Variants in ANO2 observed in about 807,000 individuals in gnomAD.
ANO2 encodes the protein anoctamin-2.
A neutral mutation model predicts 124.2 loss-of-function variants in ANO2; 101 were observed. The ratio of observed to expected loss-of-function variants is 0.81; its 90% confidence interval spans 0.69 to 0.96. The LOEUF (loss-of-function observed/expected upper bound fraction) is 0.96, where lower values mean the gene tolerates loss of function less well. Among genes scored for constraint, ANO2 ranks in the 40% least tolerant of loss-of-function variants. The probability of loss-of-function intolerance (pLI) is 0.00; values close to 1 mark genes in which losing one functional copy is unlikely to be tolerated. For synonymous variants in ANO2, 486 were observed against 482.5 expected, an observed-to-expected ratio of 1.01 and a Z score of -0.09; for missense variants, 1,293 against 1,274.5, an observed-to-expected ratio of 1.01 and a Z score of -0.22.
At chr12:5,724,579 G>T (rs1478731819) in intron 14 of ANO2, among the ~76,000 whole-genome samples, 1 of 152,172 alleles carries the variant, frequency 6.6e-6, no homozygotes. Flanking sequence ...TTTATTCCAC[G>T]TGTTTGTTTA....
intron 16 of ANO2, among the ~76,000 whole-genome samples, chr12:5,633,740 C>T (rs1176339751): frequency 6.6e-6 from 1 of 152,210 alleles, no homozygotes; most frequent in Non-Finnish European, 1.5e-5. Context: ...CTGAGCTCAG[C>T]TCCTGTTCCA....
rs78897473 is a variant in ANO2 at position 5,732,562 on chromosome 12, A to C, written c.1503T>G (p.Ala501=). ...TCGTGTTTGTTTCCAATTTCTGGAC[A>C]GCAGACTGGTTGCTCTCCTTTAGCA... is the stretch of plus-strand genomic sequence containing the variant. ...EKMLKESNQS[A]VQKLETNTTE... Residue 501 remains alanine, a synonymous_variant, in exon 14 of 25, where the codon GCT becomes GCG. Coordinates refer to ENST00000682330, the MANE Select transcript of ANO2 (RefSeq NM_001364791.2). 5.9e-4 allele frequency: 952 copies of C among 1,613,968 alleles called. No individual in the cohort carries two copies. Among genetic ancestry groups the C allele is most frequent in the Non-Finnish European group, 7.8e-4 (915 of 1,179,862 alleles).
chr12:5,822,626 T>C (rs1277619141), intron 7 of ANO2, among the ~76,000 whole-genome samples: 1 of 152,120 alleles, frequency 6.6e-6, no homozygotes, highest in Non-Finnish European at 1.5e-5. Flanking sequence ...CTGGGGGTGA[T>C]CAACCAGCTA....
chr12:5,713,619 C>T (rs1253694214), intron 14 of ANO2, among the ~76,000 whole-genome samples: 2 of 152,126 alleles, frequency 1.3e-5, no homozygotes, highest in Non-Finnish European at 2.9e-5. Context: ...AGTTTATAGA[C>T]CTTCCTGGAA....
At chr12:5,843,264 C>T (rs1954579254) in intron 4 of ANO2, among the ~76,000 whole-genome samples, 1 of 152,180 alleles carries the variant, frequency 6.6e-6, no homozygotes, top group Non-Finnish European at 1.5e-5. Flanking sequence ...CTTAATAAAA[C>T]TCAGGCCAGG....
intron 20 of ANO2, among the ~76,000 whole-genome samples, chr12:5,585,034 A>G (rs1436969585): frequency 6.6e-6 from 1 of 152,102 alleles, no homozygotes; most frequent in Admixed American, 6.5e-5. Context: ...ACAATCCTTG[A>G]CAGCCTCACG....
chr12:5,849,490 C>G (rs546652505), intron 4 of ANO2, among the ~76,000 whole-genome samples: 2 of 152,362 alleles, frequency 1.3e-5, no homozygotes, highest in African/African-American at 4.8e-5. Context: ...CATTTCAAAC[C>G]TTCTCAGGCT....
At chr12:5,914,661 T>G (rs1249977568) in intron 3 of ANO2, among the ~76,000 whole-genome samples, 1 of 152,166 alleles carries the variant, frequency 6.6e-6, no homozygotes, top group African/African-American at 2.4e-5. Context: ...CAGCCCCTAG[T>G]AAGGGGGCAC....
chr12:5,727,598 T>A (rs1400828748), intron 14 of ANO2, among the ~76,000 whole-genome samples: 1 of 148,948 alleles, frequency 6.7e-6, no homozygotes, highest in Non-Finnish European at 1.5e-5. Flanking sequence ...TCTCCTATGG[T>A]CAAAAACAAA....
Position 5,629,480 on chromosome 12 carries a change from C to T in ANO2, c.1816+5672G>A, listed in dbSNP as rs12227865. 7.9e-5 allele frequency among the ~76,000 whole-genome samples: 12 copies of T among 152,310 alleles called. No individual in the cohort carries two copies. In the East Asian group the frequency reaches 2.3e-3, roughly 29 times the overall value. Reference sequence around the variant, plus strand: ...GGTCCTGACCTGAGGAGGAAGCACACCTTGCACCAGTCAGCTCCATTGCTC... The same window carrying T: ...GGTCCTGACCTGAGGAGGAAGCACATCTTGCACCAGTCAGCTCCATTGCTC... On this transcript the variant is annotated intron_variant, in intron 16 of 24. Coordinates refer to ENST00000682330, the MANE Select transcript of ANO2 (RefSeq NM_001364791.2).
chr12:5,922,001 G>A (rs1357209404), intron 2 of ANO2, among the ~76,000 whole-genome samples: 8 of 151,984 alleles, frequency 5.3e-5, no homozygotes, highest in South Asian at 2.1e-4. Context: ...CACCAGACCC[G>A]ACCCCTACCC....
chr12:5,891,894 T>G (rs940282291), intron 3 of ANO2, among the ~76,000 whole-genome samples: 1 of 152,118 alleles, frequency 6.6e-6, no homozygotes, highest in Non-Finnish European at 1.5e-5. Flanking sequence ...AGGATACAAT[T>G]TAAAATTACT....
chr12:5,945,972 C>G (rs1943084756), upstream of ANO2, among the ~76,000 whole-genome samples: 1 of 152,170 alleles, frequency 6.6e-6, no homozygotes, highest in South Asian at 2.1e-4. Context: ...GCCATCTCCC[C>G]GGGACAGTTC....
At chr12:5,762,848 C>T (rs1200082170) in intron 10 of ANO2, among the ~76,000 whole-genome samples, 2 of 151,812 alleles carry the variant, frequency 1.3e-5, no homozygotes, top group African/African-American at 2.4e-5. Context: ...TTTTTCTTCG[C>T]CTTTTAAGTT....
chr12:5,770,334 A>G (rs1457477888), intron 10 of ANO2, among the ~76,000 whole-genome samples: 2 of 152,128 alleles, frequency 1.3e-5, no homozygotes, highest in Non-Finnish European at 2.9e-5. Context: ...CCACCAGTCT[A>G]CTTGACATTT....
chr12:5,788,305 G>C lies in ANO2; in HGVS notation c.1055+11202C>G, dbSNP rs139037055. On this transcript the variant is annotated intron_variant, in intron 10 of 24. Coordinates refer to ENST00000682330, the MANE Select transcript of ANO2 (RefSeq NM_001364791.2). ...GAAATGACCTTTGTTATAATCTGCT[G>C]ACCTTCGGATGGTTTGTTATGCAAC... Among the ~76,000 whole-genome samples, 266 of 152,292 alleles carry C rather than the reference G, an allele frequency of 1.7e-3. 2 individuals are homozygous for C. In the Middle Eastern group the frequency reaches 0.045, roughly 25 times the overall value.
intron 15 of ANO2, among the ~76,000 whole-genome samples, chr12:5,637,911 G>A (rs11612965): frequency 0.18 from 26,652 of 152,160 alleles, 2,775 homozygotes; most frequent in Non-Finnish European, 0.24. Context: ...ACCCAGTCAC[G>A]TGACCATTTT....
At chr12:5,813,430 C>G (rs1953499820) in intron 7 of ANO2, among the ~76,000 whole-genome samples, 1 of 152,202 alleles carries the variant, frequency 6.6e-6, no homozygotes, top group Admixed American at 6.5e-5. Context: ...ATCTTCGGAC[C>G]TTGCCCCTGC....
rs573516075 is a variant in ANO2 at position 5,904,514 on chromosome 12, C to G, written c.534+16526G>C. 2.0e-5 allele frequency among the ~76,000 whole-genome samples: 3 copies of G among 152,232 alleles called. No individual in the cohort carries two copies. The highest frequency in any genetic ancestry group is 7.2e-5 in the African/African-American group (3 of 41,454). ...ATCACCTCTCCTGATGCCTGTAGCA[C>G]GAATGAGCGGCGCACACACCTGTGG... On this transcript the variant is annotated intron_variant, in intron 3 of 24. Coordinates refer to ENST00000682330, the MANE Select transcript of ANO2 (RefSeq NM_001364791.2). The surrounding 1 kb of genome is among the most constrained non-coding windows in gnomAD (Gnocchi z 4.1).
Sources: gnomAD v4.1 joint callset for allele counts (sites outside exome capture counted in the v4.1 genomes callset) on GRCh38, gnomAD v4.1.1 for gene constraint, Gnocchi (gnomAD v3.1) non-coding constraint, MANE v1.5 for transcripts, NCBI Gene and HGNC (gene_info 2026-07-23, HGNC 2026-07-21) for gene names.